The following BAHD1 variants were observed in gnomAD, a reference collection of about 807,000 sequenced individuals.
The protein encoded by BAHD1 is bromo adjacent homology domain-containing 1 protein.
In BAHD1, 20 loss-of-function variants were observed where a neutral mutation model predicts 63.1. The observed-to-expected ratio is 0.32, with a 90% CI of 0.22 to 0.46. BAHD1 has a LOEUF of 0.46. Ranked by LOEUF, BAHD1 falls within the 20% of genes least tolerant of loss-of-function variation. BAHD1 has a pLI of 1.00. For missense variants in BAHD1, 939 were observed against 1,071.8 expected (o/e 0.88, Z 1.73); for synonymous variants, 408 against 426.8 (o/e 0.96, Z 0.54).
chr15:40,461,273 A>G (rs1430919494), intron 2 of BAHD1, among the ~76,000 whole-genome samples: 5 of 152,202 alleles, frequency 3.3e-5, no homozygotes, highest in Non-Finnish European at 5.9e-5. Flanking sequence ...CTGAAGTCAC[A>G]TGGCTAGTAA....
chr15:40,464,951 G>A (rs1894158206), intron 5 of BAHD1: 6 of 375,060 alleles, frequency 1.6e-5, no homozygotes, highest in Non-Finnish European at 2.5e-5. Flanking sequence ...CCACCAAGCT[G>A]TGTGCTAAAA....
Position 40,463,992 on chromosome 15 carries a change from C to A in BAHD1, c.1947C>A (p.Ile649=). 1 of 1,614,238 alleles carries A rather than the reference C, an allele frequency of 6.2e-7. No homozygotes were observed. The highest frequency in any genetic ancestry group is 8.5e-7 in the Non-Finnish European group (1 of 1,180,040). Residue 649 remains isoleucine (I), a synonymous_variant, in exon 4 of 7, where the codon ATC becomes ATA. Coordinates refer to ENST00000416165, the MANE Select transcript of BAHD1 (RefSeq NM_014952.5). ...CCTCCACACCTTATGTGGCCAAGAT[C>A]TCTGCCCTCTGGGAGAACCCCGAGT... The part of the protein sequence containing the change: ...RKTSTPYVAK[I]SALWENPESG...
In BAHD1 at chr15:40,465,456, TCTGG is replaced by T. The variant is rs753622237; in HGVS notation, c.2153+27_2153+30del. 5 of 1,594,056 alleles carry T rather than the reference TCTGG, an allele frequency of 3.1e-6. No individual in the cohort carries two copies. In the Admixed American group the frequency reaches 6.7e-5, roughly 21 times the overall value. The stretch of plus-strand genomic sequence containing the variant: ...TGCAGGTAGGTGGTTCCCTGCACCC[TCTGG>T]CTGGCCTCTTCCCTCAGGCTCCCCA... On this transcript the variant is annotated intron_variant, in intron 6 of 6. Coordinates refer to ENST00000416165, the MANE Select transcript of BAHD1 (RefSeq NM_014952.5).
At chr15:40,462,322 AGAGG>A (rs760383657) in intron 3 of BAHD1, 28 bp downstream of exon 3, 122 of 1,568,324 alleles carry the variant, frequency 7.8e-5, no homozygotes, top group Non-Finnish European at 1.1e-4. Context: ...GCTGATGACG[AGAGG>A]GAGGGAGGCA....
intron 1 of BAHD1, among the ~76,000 whole-genome samples, chr15:40,450,993 C>G (rs969666837): frequency 3.3e-5 from 5 of 151,826 alleles, no homozygotes; most frequent in Non-Finnish European, 7.4e-5. Context: ...CAAAAATTAG[C>G]TGGGCGTGGT....
intron 1 of BAHD1, chr15:40,443,132 C>A (rs1595844875): frequency 3.4e-6 from 1 of 295,740 alleles, no homozygotes; most frequent in Non-Finnish European, 5.0e-6. Context: ...AATCTGAGTT[C>A]GAGTCCCACC....
At chr15:40,441,554 C>T (rs1230474854) in intron 1 of BAHD1, among the ~76,000 whole-genome samples, 2 of 149,636 alleles carry the variant, frequency 1.3e-5, no homozygotes. Context: ...CCCCGGGGGC[C>T]GCCCGCCTTG....
At position 40,466,269 on chromosome 15, in the gene BAHD1, G is replaced by T; in HGVS notation, c.*139G>T. On this transcript the variant is annotated 3_prime_UTR_variant, in exon 7 of 7. Transcript: ENST00000416165. ...TGTGGTTTTCTTGGGGGGGAGGGCA[G>T]GGGCCCCTGTGGGTTCTGGGCTCCA... is the stretch of plus-strand genomic sequence containing the variant. 1.3e-6 allele frequency: 1 copy of T among 781,964 alleles called. No homozygotes were observed. Among genetic ancestry groups the T allele is most frequent in the Non-Finnish European group, 2.0e-6 (1 of 509,372 alleles). 48.4% of individuals were successfully genotyped at this position (781,964 alleles called of 1,614,324 possible). A position where few individuals can be genotyped will look rare whatever the true frequency, so the allele number is the denominator to read the frequency against.
rs989870762 is a variant in BAHD1 at position 40,458,223 on chromosome 15, T to C, written c.-14-228T>C. On this transcript the variant is annotated intron_variant, in intron 1 of 6. Transcript: ENST00000416165. This position sits in a 1 kb window ranked among gnomAD's most constrained non-coding sequence, Gnocchi z 4.7. Reference sequence around the variant, plus strand: ...TCAGGGGCTTAGTTCAGAGATACCCTAGGCTAAAAGGAAAGAGGAGGAACC... The same window carrying C: ...TCAGGGGCTTAGTTCAGAGATACCCCAGGCTAAAAGGAAAGAGGAGGAACC... Among the ~76,000 whole-genome samples, 1 of 152,074 alleles carries C rather than the reference T, an allele frequency of 6.6e-6. No homozygotes were observed. Among genetic ancestry groups the C allele is most frequent in the Admixed American group, 6.5e-5 (1 of 15,272 alleles).
At chr15:40,451,946 T>TA (rs1893717053) in intron 1 of BAHD1, among the ~76,000 whole-genome samples, 1 of 152,170 alleles carries the variant, frequency 6.6e-6, no homozygotes, top group Admixed American at 6.5e-5. Flanking sequence ...TTTGTCAGGT[T>TA]AAAGTTCGTA....
At chr15:40,444,367 G>C (rs1186436250) in intron 1 of BAHD1, among the ~76,000 whole-genome samples, 1 of 152,110 alleles carries the variant, frequency 6.6e-6, no homozygotes, top group Non-Finnish European at 1.5e-5. Context: ...TATTTCTGCT[G>C]GTGAAGAGTC....
chr15:40,443,134 A>G, intron 1 of BAHD1: 3 of 309,122 alleles, frequency 9.7e-6, no homozygotes, highest in Non-Finnish European at 1.4e-5. Flanking sequence ...TCTGAGTTCG[A>G]GTCCCACCTC....
Position 40,458,358 on chromosome 15 carries a change from T to C in BAHD1, c.-14-93T>C, listed in dbSNP as rs1251780260. 2 of 1,484,692 alleles carry C rather than the reference T, an allele frequency of 1.3e-6. No individual in the cohort carries two copies. Among genetic ancestry groups the C allele is most frequent in the Non-Finnish European group, 1.8e-6 (2 of 1,116,090 alleles). The allele number at this position is 1,484,692 out of a possible 1,614,324, so 92.0% of individuals were successfully genotyped here. A position where few individuals can be genotyped will look rare whatever the true frequency, so the allele number is the denominator to read the frequency against. On this transcript the variant is annotated intron_variant, in intron 1 of 6. Transcript: ENST00000416165. The surrounding 1 kb of genome is among the most constrained non-coding windows in gnomAD (Gnocchi z 4.7). ...CAGGGTAGTTGTAGGCCAGGATCAC[T>C]GCACCTGGGGCTGGGTAGGCTGCAG... is the stretch of plus-strand genomic sequence containing the variant.
At chr15:40,441,691 G>A (rs940598545) in intron 1 of BAHD1, among the ~76,000 whole-genome samples, 8 of 148,112 alleles carry the variant, frequency 5.4e-5, no homozygotes, top group Admixed American at 5.3e-4. Context: ...GAGCCGGCTC[G>A]CCTCCGAGTG....
rs1351399048 is a variant in BAHD1, at chr15:40,459,021, A to G, written c.557A>G (p.Glu186Gly). Residue 186 changes from glutamate (E) to glycine (G), a missense_variant, in exon 2 of 7, where the codon GAG becomes GGG. This residue lies in a region of BAHD1 where 797 missense variants were observed against 813.3 expected (regional missense o/e 0.98). Coordinates refer to ENST00000416165, the MANE Select transcript of BAHD1 (RefSeq NM_014952.5). ...GGAGGAAGTCGGGACCTGTCTCCAG[A>G]GCCAGCACCCGATGAAGGTCCCCGC... Reference protein sequence around the residue: ...LGGGSRDLSPEPAPDEGPRRD... With the variant: ...LGGGSRDLSPGPAPDEGPRRD... The G allele has an allele frequency of 6.3e-7, 1 of 1,595,094 alleles. No individual in the cohort carries two copies. Among genetic ancestry groups the G allele is most frequent in the Admixed American group, 1.7e-5 (1 of 58,190 alleles).
chr15:40,465,867 G>A, intron 6 of BAHD1, 74 bp from the exon 7 acceptor site: 1 of 1,474,094 alleles, frequency 6.8e-7, no homozygotes, highest in South Asian at 1.3e-5. Context: ...GGTCGGGTAG[G>A]GTAGGGTAGG....
intron 1 of BAHD1, among the ~76,000 whole-genome samples, chr15:40,442,914 G>A (rs190603543): frequency 6.6e-6 from 1 of 152,332 alleles, no homozygotes; most frequent in East Asian, 1.9e-4. Flanking sequence ...TCCTTGGCCA[G>A]CTTGGAGGAT....
rs1027051035 is a variant in BAHD1 at position 40,458,369 on chromosome 15, C to T, written c.-14-82C>T. On this transcript the variant is annotated intron_variant, in intron 1 of 6. Coordinates refer to ENST00000416165, the MANE Select transcript of BAHD1 (RefSeq NM_014952.5). This position sits in a 1 kb window ranked among gnomAD's most constrained non-coding sequence, Gnocchi z 4.7. ...TAGGCCAGGATCACTGCACCTGGGG[C>T]TGGGTAGGCTGCAGTGGGAGAGAAA... 6.7e-7 allele frequency: 1 copy of T among 1,496,096 alleles called. No homozygotes were observed. Among genetic ancestry groups the T allele is most frequent in the African/African-American group, 1.4e-5 (1 of 71,356 alleles). The allele number at this position is 1,496,096 out of a possible 1,614,324, so 92.7% of individuals were successfully genotyped here.
intron 1 of BAHD1, among the ~76,000 whole-genome samples, chr15:40,446,200 A>T (rs569638447): frequency 6.6e-6 from 1 of 152,240 alleles, no homozygotes; most frequent in African/African-American, 2.4e-5. Flanking sequence ...TCCCCTGCCC[A>T]CCTCCTGGTA....
Sources: allele counts gnomAD v4.1 joint callset (sites outside exome capture counted in the v4.1 genomes callset), GRCh38; gene constraint gnomAD v4.1.1; regional missense constraint gnomAD v4.1.1; non-coding constraint Gnocchi (gnomAD v3.1); transcripts MANE v1.5; gene names NCBI Gene and HGNC (gene_info 2026-07-23, HGNC 2026-07-21).